USP8: variants seen among roughly 807,000 people sequenced by gnomAD.
The protein encoded by USP8 is ubiquitin carboxyl-terminal hydrolase 8.
USP8 carries 27 observed loss-of-function variants against 130.0 expected under a neutral mutation model. The ratio of observed to expected loss-of-function variants is 0.21; its 90% CI spans 0.15 to 0.29. The LOEUF is 0.29. Among genes scored for constraint, USP8 ranks in the 10% least tolerant of loss-of-function variants. The pLI, the probability that USP8 is intolerant of heterozygous loss-of-function variation, is 1.00. For missense variants in USP8, 1,029 were observed against 1,312.2 expected, an observed-to-expected ratio of 0.78 and a Z score of 3.33; for synonymous variants, 392 against 444.1, an observed-to-expected ratio of 0.88 and a Z score of 1.48.
rs1566889884 is a variant in USP8, at chr15:50,494,152, T to C, written c.2530T>C (p.Tyr844His). The part of the protein sequence containing the change: ...MKALWTGQYR[Y>H]ISPKDFKITI... ...AGCCCTGTGGACAGGACAGTATAGATATATCAGTCCAAAGGACTTTAAAAT... is the reference window on the plus strand; with the variant it reads ...AGCCCTGTGGACAGGACAGTATAGACATATCAGTCCAAAGGACTTTAAAAT... Residue 844 changes from tyrosine to histidine, a missense_variant, in exon 16 of 20, where the codon TAT becomes CAT. Transcript: ENST00000307179. The C allele has an allele frequency of 1.2e-6, 2 of 1,613,108 alleles. No individual in the cohort carries two copies. Among genetic ancestry groups the C allele is most frequent in the Admixed American group, 1.7e-5 (1 of 59,926 alleles).
rs1312685935 is a variant in USP8 at position 50,481,738 on chromosome 15, G to C, written c.1476G>C (p.Glu492Asp). The C allele has an allele frequency of 5.6e-6, 9 of 1,605,244 alleles. No homozygotes were observed. The highest frequency in any genetic ancestry group is 7.6e-6 in the Non-Finnish European group (9 of 1,176,934). ...LRERQQEEQK[E>D]KLRKEEQEQK... ...AAAGGCAGCAAGAGGAACAGAAAGAGAAACTGAGGAAGGAAGAACAAGAAC... is the reference window on the plus strand; with the variant it reads ...AAAGGCAGCAAGAGGAACAGAAAGACAAACTGAGGAAGGAAGAACAAGAAC... The change falls in exon 11 of 20, where the codon GAG becomes GAC. Residue 492 changes from glutamate to aspartate, a missense_variant. Glu to Asp is a conservative substitution (Grantham distance 45). This residue lies in a region of USP8 where 486 missense variants were observed against 522.0 expected (regional missense o/e 0.93). Coordinates refer to ENST00000307179, the MANE Select transcript of USP8 (RefSeq NM_005154.5).
chr15:50,472,693 C>T (rs2051422275), intron 8 of USP8, among the ~76,000 whole-genome samples: 1 of 151,956 alleles, frequency 6.6e-6, no homozygotes, highest in Admixed American at 6.6e-5. Context: ...GGCAGATCAC[C>T]TGAGGTCAGG....
chr15:50,495,223 A>T (rs1236442973), intron 16 of USP8, among the ~76,000 whole-genome samples: 2 of 134,012 alleles, frequency 1.5e-5, no homozygotes, highest in Non-Finnish European at 3.3e-5. Context: ...CCTACACAAA[A>T]ATATTTGTGT....
intron 13 of USP8, 47 bp downstream of exon 13, chr15:50,489,928 A>G: frequency 2.8e-6 from 4 of 1,451,080 alleles, no homozygotes; most frequent in Non-Finnish European, 3.7e-6. Context: ...TTCCTAAAAA[A>G]TGTTTTATTT....
At chr15:50,451,059 C>A (rs1250918502) in intron 4 of USP8, among the ~76,000 whole-genome samples, 1 of 151,956 alleles carries the variant, frequency 6.6e-6, no homozygotes, top group Non-Finnish European at 1.5e-5. Flanking sequence ...TGACATATTT[C>A]TTTACTGGCT....
intron 7 of USP8, among the ~76,000 whole-genome samples, chr15:50,469,294 TA>T (rs1377512091): frequency 6.6e-6 from 1 of 151,974 alleles, no homozygotes; most frequent in Non-Finnish European, 1.5e-5. Context: ...TATTTTTAAT[TA>T]AATTAATTAA....
At position 50,447,657 on chromosome 15, in the gene USP8, G is replaced by C. The variant is rs138772198; in HGVS notation, c.250-1743G>C. 5.7e-3 allele frequency among the ~76,000 whole-genome samples: 862 copies of C among 151,972 alleles called. 8 individuals carry two copies. The highest frequency in any genetic ancestry group is 0.019 in the African/African-American group (798 of 41,438). ...AGCTCACTGCAACCTCTGCCTCCCGGGTTCAGGTGATTCTCCTGCCTCAGC... is the reference window on the plus strand; with the variant it reads ...AGCTCACTGCAACCTCTGCCTCCCGCGTTCAGGTGATTCTCCTGCCTCAGC... On this transcript the variant is annotated intron_variant, in intron 3 of 19. Transcript: ENST00000307179.
chr15:50,460,321 T>G (rs1250547436), intron 5 of USP8, among the ~76,000 whole-genome samples: 1 of 146,166 alleles, frequency 6.8e-6, no homozygotes, highest in Non-Finnish European at 1.5e-5. Flanking sequence ...TTTTTTTTTT[T>G]TTTGAGACAG....
intron 4 of USP8, 110 bp from the exon 5 acceptor site, chr15:50,458,889 TA>T: frequency 7.8e-7 from 1 of 1,285,402 alleles, no homozygotes; most frequent in Non-Finnish European, 1.1e-6. Flanking sequence ...GGAGAAAGCA[TA>T]TAGCCATGAA....
chr15:50,460,144 C>T (rs1477164136), intron 5 of USP8, among the ~76,000 whole-genome samples: 1 of 150,774 alleles, frequency 6.6e-6, no homozygotes, highest in African/African-American at 2.4e-5. Context: ...ATTACAGGCG[C>T]CCGCCACCAC....
At chr15:50,497,768 A>C in intron 18 of USP8, 1 of 152,200 alleles carries the variant, frequency 6.6e-6, no homozygotes, top group East Asian at 1.9e-4. Flanking sequence ...TTTGGTCTTC[A>C]CATAATCACA....
rs2052755371 is a variant in USP8 at position 50,512,859 on chromosome 15, T to C, written c.*13771T>C. ...CATTTAAGGTGAATTCTGTGGTATG[T>C]GAACTATCTCTAAGAACTTCTTTTT... On this transcript the variant is annotated 3_prime_UTR_variant, in exon 20 of 20. Transcript: ENST00000307179. 1 of 152,142 alleles carries C rather than the reference T, an allele frequency of 6.6e-6. No homozygotes were observed. Among genetic ancestry groups the C allele is most frequent in the South Asian group, 2.1e-4 (1 of 4,828 alleles). 9.4% of individuals were successfully genotyped at this position (152,142 alleles called of 1,614,324 possible).
At chr15:50,459,987 A>AC (rs1252614380) in intron 5 of USP8, among the ~76,000 whole-genome samples, 1,132 of 80,002 alleles carry the variant, frequency 0.014, 11 homozygotes, top group African/African-American at 0.024. Context: ...CAGTTCCCCC[A>AC]CCCCCCCCCT....
At chr15:50,487,178 A>AGG (rs2051994722) in intron 12 of USP8, among the ~76,000 whole-genome samples, 10 of 152,148 alleles carry the variant, frequency 6.6e-5, no homozygotes, top group Non-Finnish European at 1.5e-4. Context: ...GTACCCCAAT[A>AGG]ACCTATGGAA....
Position 50,449,414 on chromosome 15 carries a change from A to G in USP8, c.264A>G (p.Ser88=). ...DFKQQQDYFH[S]ILGPGNIKKA... The stretch of plus-strand genomic sequence containing the variant: ...TATAATTTTAGGATTATTTCCATTC[A>G]ATACTTGGACCTGGAAACATCAAAA... The change falls in exon 4 of 20, where the codon TCA becomes TCG. Residue 88 remains serine (S), a synonymous_variant. Transcript: ENST00000307179. The G allele has an allele frequency of 1.9e-6, 3 of 1,581,876 alleles. No individual in the cohort carries two copies. The Admixed American group carries it at 5.3e-5, about 28-fold the overall frequency.
intron 8 of USP8, among the ~76,000 whole-genome samples, chr15:50,475,910 T>A (rs996823621): frequency 6.6e-6 from 1 of 151,904 alleles, no homozygotes; most frequent in African/African-American, 2.4e-5. Context: ...ACCAATATAT[T>A]TATATATATT....
At chr15:50,429,498 C>T (rs573274637) in intron 1 of USP8, among the ~76,000 whole-genome samples, 2 of 151,756 alleles carry the variant, frequency 1.3e-5, no homozygotes, top group Non-Finnish European at 2.9e-5. Context: ...TGATGGTTCC[C>T]AGTCTTGACT....
At chr15:50,465,440 G>A (rs961798040) in intron 7 of USP8, among the ~76,000 whole-genome samples, 1 of 152,152 alleles carries the variant, frequency 6.6e-6, no homozygotes, top group African/African-American at 2.4e-5. Flanking sequence ...TTGAGAGTGA[G>A]GGGTGCCCAA....
chr15:50,452,262 G>A (rs2050651653), intron 4 of USP8, among the ~76,000 whole-genome samples: 1 of 152,180 alleles, frequency 6.6e-6, no homozygotes, highest in Non-Finnish European at 1.5e-5. Context: ...TGTTAGGGGA[G>A]GTCTTAGAGG....
Sources: gnomAD v4.1 joint callset for allele counts (sites outside exome capture counted in the v4.1 genomes callset) on GRCh38, gnomAD v4.1.1 for gene constraint, gnomAD v4.1.1 regional missense constraint, MANE v1.5 for transcripts, NCBI Gene and HGNC (gene_info 2026-07-23, HGNC 2026-07-21) for gene names.